ITGBL1: variants seen among roughly 807,000 people sequenced by gnomAD.
The protein encoded by ITGBL1 is integrin subunit beta like 1.
ITGBL1 carries 51 observed loss-of-function variants against 68.5 expected under a neutral mutation model. That is an observed-to-expected ratio of 0.74 (90% CI 0.59 to 0.94). The LOEUF (loss-of-function observed/expected upper bound fraction) is 0.94. Among genes scored for constraint, ITGBL1 ranks in the 40% least tolerant of loss-of-function variants. The pLI, the probability that ITGBL1 is intolerant of heterozygous loss-of-function variation, is 0.00. For synonymous variants in ITGBL1, 209 were observed against 227.3 expected (o/e 0.92, Z 0.72); for missense variants, 649 against 647.4 (o/e 1.00, Z -0.03).
intron 2 of ITGBL1, among the ~76,000 whole-genome samples, chr13:101,548,175 G>T (rs1566726771): frequency 6.6e-6 from 1 of 151,814 alleles, no homozygotes; most frequent in Non-Finnish European, 1.5e-5. Context: ...CTTCAAGGCT[G>T]CAAAACATTG....
At chr13:101,517,418 C>T (rs2049212866) in intron 2 of ITGBL1, among the ~76,000 whole-genome samples, 1 of 152,130 alleles carries the variant, frequency 6.6e-6, no homozygotes, top group African/African-American at 2.4e-5. Context: ...ACGTTACGCT[C>T]ATCTAGGGGT....
At chr13:101,483,664 G>A (rs750667694) in intron 2 of ITGBL1, among the ~76,000 whole-genome samples, 64 of 152,118 alleles carry the variant, frequency 4.2e-4, no homozygotes, top group Non-Finnish European at 6.9e-4. Context: ...TAGGCTTGAT[G>A]TTTGTAAAAT....
Position 101,694,374 on chromosome 13 carries a change from A to T in ITGBL1, c.1132+1673A>T, listed in dbSNP as rs186695740. ...GCTTGCCTGGCCCCTTGAAAGTGCC[A>T]TCTACATGTCTCTGCTCTTGTTACC... On this transcript the variant is annotated intron_variant, in intron 8 of 10. Transcript: ENST00000376180. Among the ~76,000 whole-genome samples the T allele has an allele frequency of 6.4e-4, 98 of 152,208 alleles. 1 individual carries two copies. Among genetic ancestry groups the T allele is most frequent in the Admixed American group, 4.1e-3 (63 of 15,274 alleles).
At chr13:101,670,437 T>C (rs547917101) in intron 7 of ITGBL1, among the ~76,000 whole-genome samples, 4 of 152,344 alleles carry the variant, frequency 2.6e-5, no homozygotes, top group Admixed American at 2.6e-4. Context: ...ATCAAGATAA[T>C]TCCCTATGCT....
At chr13:101,713,860 G>C (rs1022317834) in intron 9 of ITGBL1, 2 of 152,140 alleles carry the variant, frequency 1.3e-5, no homozygotes, top group Admixed American at 6.5e-5. Flanking sequence ...GTTTATGACA[G>C]AGGGTCCTGA....
intron 2 of ITGBL1, among the ~76,000 whole-genome samples, chr13:101,473,263 A>G (rs569347305): frequency 6.6e-6 from 1 of 152,212 alleles, no homozygotes; most frequent in Non-Finnish European, 1.5e-5. Flanking sequence ...GAGGTAGGAA[A>G]GACAGTCTTG....
At chr13:101,661,612 TG>T (rs1423441475) in intron 7 of ITGBL1, among the ~76,000 whole-genome samples, 9 of 152,240 alleles carry the variant, frequency 5.9e-5, no homozygotes, top group African/African-American at 2.2e-4. Context: ...ATAGATTATT[TG>T]GTCTTTGCAT....
chr13:101,555,297 G>A (rs1019384380), intron 2 of ITGBL1, among the ~76,000 whole-genome samples: 1 of 152,042 alleles, frequency 6.6e-6, no homozygotes, highest in African/African-American at 2.4e-5. Flanking sequence ...ACGTCAATAT[G>A]TTGTGCACAT....
chr13:101,621,946 G>A (rs1354743608), intron 7 of ITGBL1, among the ~76,000 whole-genome samples: 1 of 152,098 alleles, frequency 6.6e-6, no homozygotes, highest in African/African-American at 2.4e-5. Flanking sequence ...CAAGAGCTGA[G>A]GCTGGTTGGG....
At chr13:101,561,384 A>T (rs1189561920) in intron 2 of ITGBL1, among the ~76,000 whole-genome samples, 1 of 152,120 alleles carries the variant, frequency 6.6e-6, no homozygotes, top group African/African-American at 2.4e-5. Context: ...ATAAAACAAA[A>T]TCTTTCACTG....
intron 2 of ITGBL1, among the ~76,000 whole-genome samples, chr13:101,481,085 C>CACACAT (rs71121196): frequency 0.6 from 89,006 of 148,796 alleles, 27,320 homozygotes; most frequent in Non-Finnish European, 0.65. Flanking sequence ...TATATACACA[C>CACACAT]ATATATATAC....
intron 2 of ITGBL1, among the ~76,000 whole-genome samples, chr13:101,500,656 A>G (rs1409414527): frequency 1.3e-5 from 2 of 152,214 alleles, no homozygotes; most frequent in Non-Finnish European, 2.9e-5. Flanking sequence ...GTTAGTAACC[A>G]TTCAGTTGCA....
rs137994334 is a variant in ITGBL1, at chr13:101,510,655, A to G, written c.316+56555A>G. Among the ~76,000 whole-genome samples, 437 of 152,180 alleles carry G rather than the reference A, an allele frequency of 2.9e-3. 1 individual carries two copies. Among genetic ancestry groups the G allele is most frequent in the Middle Eastern group, 6.8e-3 (2 of 294 alleles). On this transcript the variant is annotated intron_variant, in intron 2 of 10. Coordinates refer to ENST00000376180, the MANE Select transcript of ITGBL1 (RefSeq NM_004791.3). ...TCTTTTTCCTGCCAGCCTTGCCAGC[A>G]TCTGTTGTTTTTTGACTTTTTAATA...
Position 101,452,697 on chromosome 13 carries a change from C to T in ITGBL1, c.-137C>T. On this transcript the variant is annotated 5_prime_UTR_variant, in exon 1 of 11. Transcript: ENST00000376180. ...CGCAATTGCAACTCCGGCTGGAGCCCCGGACCTGCAAGCCTGGGTGTCCGT... is the reference window on the plus strand; with the variant it reads ...CGCAATTGCAACTCCGGCTGGAGCCTCGGACCTGCAAGCCTGGGTGTCCGT... The T allele has an allele frequency of 1.5e-6, 1 of 684,670 alleles. No homozygotes were observed. The allele number at this position is 684,670 out of a possible 1,614,324, so 42.4% of individuals were successfully genotyped here.
At chr13:101,583,053 T>C (rs948562188) in intron 5 of ITGBL1, among the ~76,000 whole-genome samples, 163 bp from the exon 6 acceptor site, 1 of 152,202 alleles carries the variant, frequency 6.6e-6, no homozygotes, top group South Asian at 2.1e-4. Context: ...GGAATCTCTA[T>C]TATCAATATT....
chr13:101,500,560 T>C (rs2048925686), intron 2 of ITGBL1, among the ~76,000 whole-genome samples: 1 of 152,212 alleles, frequency 6.6e-6, no homozygotes, highest in Non-Finnish European at 1.5e-5. Context: ...TACTAATGAA[T>C]CCTCCTGAAT....
intron 2 of ITGBL1, among the ~76,000 whole-genome samples, chr13:101,544,998 C>G (rs1303704860): frequency 6.6e-6 from 1 of 152,230 alleles, no homozygotes; most frequent in Non-Finnish European, 1.5e-5. Context: ...CCTTGTGCTT[C>G]CCGGGTGAGG....
intron 2 of ITGBL1, among the ~76,000 whole-genome samples, chr13:101,541,478 C>T (rs1228758186): frequency 5.9e-5 from 9 of 152,178 alleles, no homozygotes; most frequent in East Asian, 5.8e-4. Flanking sequence ...AGGATTTCTG[C>T]GTCAATGTTC....
intron 7 of ITGBL1, among the ~76,000 whole-genome samples, chr13:101,681,595 C>G (rs766996672): frequency 5.8e-4 from 88 of 152,288 alleles, no homozygotes; most frequent in South Asian, 2.1e-4. Flanking sequence ...GATCTAGAAA[C>G]TTAGTCCCTG....
Sources: allele counts gnomAD v4.1 joint callset (sites outside exome capture counted in the v4.1 genomes callset), GRCh38; gene constraint gnomAD v4.1.1; transcripts MANE v1.5; gene names NCBI Gene and HGNC (gene_info 2026-07-23, HGNC 2026-07-21).